The following LGR5 variants were observed in gnomAD, a reference collection of about 807,000 sequenced individuals.
The protein encoded by LGR5 is leucine rich repeat containing G protein-coupled receptor 5, also known as leucine-rich repeat-containing G protein-coupled receptor 5.
Under a neutral mutation model 76.7 loss-of-function variants are expected in LGR5, and 54 were observed. That is an observed-to-expected ratio of 0.70 (90% CI 0.57 to 0.88). The LOEUF (loss-of-function observed/expected upper bound fraction) is 0.88, where lower values mean the gene tolerates loss of function less well. LGR5 is among the 40% of genes least tolerant of loss of function. The probability of loss-of-function intolerance (pLI) is 0.00; values close to 1 mark genes in which losing one functional copy is unlikely to be tolerated. For synonymous variants in LGR5, 406 were observed against 421.9 expected (o/e 0.96, Z 0.46); for missense variants, 1,078 against 1,073.3 (o/e 1.00, Z -0.06).
intron 1 of LGR5, among the ~76,000 whole-genome samples, chr12:71,465,119 G>A (rs1207912625): frequency 6.6e-6 from 1 of 152,154 alleles, no homozygotes; most frequent in East Asian, 1.9e-4. Flanking sequence ...CTTGGGCAAG[G>A]AGCCTCTCTT....
intron 4 of LGR5, among the ~76,000 whole-genome samples, chr12:71,546,777 AG>A (rs1877191177): frequency 6.6e-6 from 1 of 152,182 alleles, no homozygotes; most frequent in South Asian, 2.1e-4. Context: ...CCCCCATTTC[AG>A]AGAAACACTT....
intron 8 of LGR5, among the ~76,000 whole-genome samples, chr12:71,563,979 T>C (rs1280613): frequency 0.63 from 15,329 of 24,474 alleles, 5,634 homozygotes; most frequent in South Asian, 0.8. Context: ...ACACACGCAC[T>C]GTGTATATAT....
At chr12:71,500,035 CA>C (rs1874521795) in intron 1 of LGR5, among the ~76,000 whole-genome samples, 1 of 151,904 alleles carries the variant, frequency 6.6e-6, no homozygotes, top group Admixed American at 6.6e-5. Context: ...CAATTAACAC[CA>C]GGGGGCTTAT....
intron 13 of LGR5, among the ~76,000 whole-genome samples, chr12:71,576,194 T>C (rs1430210542): frequency 6.6e-6 from 1 of 152,228 alleles, no homozygotes; most frequent in Non-Finnish European, 1.5e-5. Flanking sequence ...GGCACATGTT[T>C]ACCTATGTAA....
chr12:71,579,383 T>C (rs891519426), intron 15 of LGR5, among the ~76,000 whole-genome samples: 6 of 152,252 alleles, frequency 3.9e-5, no homozygotes, highest in Non-Finnish European at 7.3e-5. Context: ...TGAAAGATTA[T>C]GTATTTTTTA....
Position 71,439,875 on chromosome 12 carries a change from G to A in LGR5, c.-206G>A. 1 of 537,802 alleles carries A rather than the reference G, an allele frequency of 1.9e-6. No homozygotes were observed. Among genetic ancestry groups the A allele is most frequent in the South Asian group, 2.4e-5 (1 of 41,944 alleles). 33.3% of individuals were successfully genotyped at this position (537,802 alleles called of 1,614,324 possible). Reference sequence around the variant, plus strand: ...CGCTGCAGCCAGGGCTGCTCCGAAGGCCGGCGTGGCGGCAACCGGCACCTC... The same window carrying A: ...CGCTGCAGCCAGGGCTGCTCCGAAGACCGGCGTGGCGGCAACCGGCACCTC... On this transcript the variant is annotated 5_prime_UTR_variant, in exon 1 of 18. Coordinates refer to ENST00000266674, the MANE Select transcript of LGR5 (RefSeq NM_003667.4).
At chr12:71,509,156 G>C (rs1875017484) in intron 2 of LGR5, among the ~76,000 whole-genome samples, 1 of 152,116 alleles carries the variant, frequency 6.6e-6, no homozygotes, top group African/African-American at 2.4e-5. Flanking sequence ...TCCCATCCTG[G>C]CTCTGCCACT....
chr12:71,543,654 G>A (rs949632218), intron 4 of LGR5, among the ~76,000 whole-genome samples: 1 of 152,224 alleles, frequency 6.6e-6, no homozygotes, highest in African/African-American at 2.4e-5. Flanking sequence ...TATTTAAGGC[G>A]TAACTTCAGG....
chr12:71,567,680 TA>T (rs1878415271), intron 11 of LGR5, among the ~76,000 whole-genome samples: 1 of 152,152 alleles, frequency 6.6e-6, no homozygotes, highest in African/African-American at 2.4e-5. Flanking sequence ...GTTAAGTAGA[TA>T]AACGGGAATG....
At chr12:71,530,252 AG>A (rs139887498) in intron 3 of LGR5, among the ~76,000 whole-genome samples, 7,155 of 152,310 alleles carry the variant, frequency 0.047, 216 homozygotes, top group Middle Eastern at 0.11. Context: ...AATATAGTTG[AG>A]AACCACAGTG....
chr12:71,516,081 T>C (rs969683622), intron 2 of LGR5, among the ~76,000 whole-genome samples: 19 of 152,056 alleles, frequency 1.2e-4, no homozygotes, highest in Admixed American at 1.2e-3. Context: ...TATAATAAAG[T>C]AATCTTACAA....
chr12:71,523,649 G>A (rs954834567), intron 2 of LGR5, among the ~76,000 whole-genome samples: 2 of 151,914 alleles, frequency 1.3e-5, no homozygotes, highest in African/African-American at 4.8e-5. Flanking sequence ...GCTTTGATGT[G>A]GCTGCCAAAA....
intron 11 of LGR5, among the ~76,000 whole-genome samples, chr12:71,570,600 G>C (rs1406698662): frequency 6.6e-6 from 1 of 152,010 alleles, no homozygotes. Flanking sequence ...GTATTGGGTG[G>C]GGGGGTATCT....
chr12:71,499,895 A>G (rs17814955), intron 1 of LGR5, among the ~76,000 whole-genome samples: 13,529 of 152,118 alleles, frequency 0.089, 644 homozygotes, highest in Non-Finnish European at 0.11. Flanking sequence ...GCCGTGGTGT[A>G]GAAGATGACC....
At position 71,580,353 on chromosome 12, in the gene LGR5, A is replaced by G. The variant is rs561536988; in HGVS notation, c.1482A>G (p.Gln494=). 3 of 1,614,110 alleles carry G rather than the reference A, an allele frequency of 1.9e-6. No homozygotes were observed. The highest frequency in any genetic ancestry group is 2.7e-5 in the African/African-American group (2 of 75,064). ...VCENAYKISN[Q]WNKGDNSSMD... is the part of the protein sequence containing the mutation. ...AGAATGCCTATAAGATTTCTAATCA[A>G]TGGAATAAAGGTGACAACAGCAGTA... Residue 494 remains glutamine, a synonymous_variant, in exon 16 of 18, where the codon CAA becomes CAG. Transcript: ENST00000266674.
chr12:71,448,353 G>C (rs138214025), intron 1 of LGR5: 1 of 152,268 alleles, frequency 6.6e-6, no homozygotes, highest in Non-Finnish European at 1.5e-5. Context: ...AACCACACAT[G>C]ATCTCAAGTG....
chr12:71,541,391 T>C (rs1364346129), intron 4 of LGR5, among the ~76,000 whole-genome samples: 1 of 152,188 alleles, frequency 6.6e-6, no homozygotes, highest in Non-Finnish European at 1.5e-5. Context: ...ATGGGTATTA[T>C]GGAATGAGAA....
At chr12:71,524,929 G>T (rs1273556621) in intron 3 of LGR5, among the ~76,000 whole-genome samples, 2 of 152,140 alleles carry the variant, frequency 1.3e-5, no homozygotes, top group Non-Finnish European at 2.9e-5. Flanking sequence ...TGAATAGATA[G>T]GGTAAAGCCT....
intron 12 of LGR5, among the ~76,000 whole-genome samples, chr12:71,572,249 A>G (rs1878645057): frequency 6.6e-6 from 1 of 151,810 alleles, no homozygotes; most frequent in South Asian, 2.1e-4. Context: ...TGCCTGGCTA[A>G]TTTTTTGCAT....
Sources: gnomAD v4.1 joint callset for allele counts (sites outside exome capture counted in the v4.1 genomes callset) on GRCh38, gnomAD v4.1.1 for gene constraint, MANE v1.5 for transcripts, NCBI Gene and HGNC (gene_info 2026-07-23, HGNC 2026-07-21) for gene names.